The following RBFOX1 variants were observed in gnomAD, a reference collection of about 807,000 sequenced individuals.
RBFOX1 encodes the protein RNA binding protein fox-1 homolog 1.
In RBFOX1, 8 loss-of-function variants were observed where a neutral mutation model predicts 57.7. The observed-to-expected ratio is 0.14, with a 90% CI of 0.08 to 0.25. The LOEUF (loss-of-function observed/expected upper bound fraction) is 0.25, where lower values mean the gene tolerates loss of function less well. Ranked by LOEUF, RBFOX1 falls within the 10% of genes least tolerant of loss-of-function variation. The probability of loss-of-function intolerance (pLI) is 1.00; values close to 1 mark genes in which losing one functional copy is unlikely to be tolerated. For synonymous variants in RBFOX1, 326 were observed against 222.4 expected (o/e 1.47, Z -4.15); for missense variants, 611 against 548.5 (o/e 1.11, Z -1.14).
chr16:5,977,875 A>G (rs1028404829), intron 4 of RBFOX1, among the ~76,000 whole-genome samples: 1 of 152,042 alleles, frequency 6.6e-6, no homozygotes, highest in Admixed American at 6.6e-5. Flanking sequence ...ATTTATGAAC[A>G]TCACAGGCTT....
At chr16:7,169,805 C>G (rs1389832557) in intron 4 of RBFOX1, among the ~76,000 whole-genome samples, 5 of 121,166 alleles carry the variant, frequency 4.1e-5, no homozygotes, top group African/African-American at 1.3e-4. Context: ...TGCAGTGGCT[C>G]ATGCCTGTAA....
At chr16:7,094,408 T>A (rs972651264) in intron 4 of RBFOX1, among the ~76,000 whole-genome samples, 1 of 151,842 alleles carries the variant, frequency 6.6e-6, no homozygotes, top group Non-Finnish European at 1.5e-5. Flanking sequence ...AAAAAAAACA[T>A]GGGAAGGAAA....
intron 3 of RBFOX1, among the ~76,000 whole-genome samples, chr16:5,829,769 C>G (rs1051570012): frequency 2.0e-5 from 3 of 152,064 alleles, no homozygotes; most frequent in Non-Finnish European, 4.4e-5. Context: ...CACCTGTTGC[C>G]CCAAAGGCCT....
Position 7,579,768 on chromosome 16 carries a change from T to C in RBFOX1, c.271-9T>C. ...TGAGAACCTCTTCGGTTTCTTCTTGTTCTTTTAGCAGACAGATGACGCAGC... is the reference window on the plus strand; with the variant it reads ...TGAGAACCTCTTCGGTTTCTTCTTGCTCTTTTAGCAGACAGATGACGCAGC... On this transcript the variant is annotated splice_polypyrimidine_tract_variant and intron_variant, in intron 5 of 15. Coordinates refer to ENST00000550418, the MANE Select transcript of RBFOX1 (RefSeq NM_018723.4). 1 of 1,614,056 alleles carries C rather than the reference T, an allele frequency of 6.2e-7. No homozygotes were observed. Among genetic ancestry groups the C allele is most frequent in the Non-Finnish European group, 8.5e-7 (1 of 1,179,964 alleles).
intron 4 of RBFOX1, among the ~76,000 whole-genome samples, chr16:7,488,146 G>C (rs374896680): frequency 2.6e-5 from 4 of 152,098 alleles, no homozygotes; most frequent in East Asian, 1.9e-4. Context: ...GTGTCCCTGC[G>C]TGATTGTGAT....
At chr16:7,672,056 G>A (rs1001834313) in intron 13 of RBFOX1, among the ~76,000 whole-genome samples, 7 of 152,136 alleles carry the variant, frequency 4.6e-5, no homozygotes, top group African/African-American at 1.2e-4. Flanking sequence ...GTTAAATCAA[G>A]AATCTCATGT....
chr16:6,283,967 C>T (rs2076645544), intron 1 of RBFOX1, among the ~76,000 whole-genome samples: 1 of 152,198 alleles, frequency 6.6e-6, no homozygotes, highest in African/African-American at 2.4e-5. Flanking sequence ...GAGTGCAATG[C>T]AGAAAGTTCC....
intron 3 of RBFOX1, among the ~76,000 whole-genome samples, chr16:6,923,091 G>A (rs987316396): frequency 6.6e-6 from 1 of 152,156 alleles, no homozygotes; most frequent in African/African-American, 2.4e-5. Context: ...AGCCCAGAAG[G>A]CAATGAGAGA....
chr16:7,008,356 G>A (rs914562768), intron 3 of RBFOX1, among the ~76,000 whole-genome samples: 1 of 151,968 alleles, frequency 6.6e-6, no homozygotes, highest in Non-Finnish European at 1.5e-5. Context: ...ATTCTGGCCA[G>A]TATGATGAAA....
At chr16:7,052,548 C>G (rs144374132) in intron 4 of RBFOX1, among the ~76,000 whole-genome samples, 22 of 152,202 alleles carry the variant, frequency 1.4e-4, no homozygotes, top group Admixed American at 3.3e-4. Flanking sequence ...TTTGTGTTAT[C>G]TATAGACCTC....
Position 6,901,200 on chromosome 16 carries a change from G to A in RBFOX1, c.-15-150857G>A, listed in dbSNP as rs13333311. Reference sequence around the variant, plus strand: ...CATAGGTATTCAATAAATATATACAGAAGGAAGATAAGAAGAAAGAGAGGA... The same window carrying A: ...CATAGGTATTCAATAAATATATACAAAAGGAAGATAAGAAGAAAGAGAGGA... On this transcript the variant is annotated intron_variant, in intron 3 of 15. Transcript: ENST00000550418. Among the ~76,000 whole-genome samples the A allele has an allele frequency of 4.9e-3, 741 of 152,254 alleles. 5 individuals carry two copies. The highest frequency in any genetic ancestry group is 0.017 in the African/African-American group (718 of 41,542).
intron 4 of RBFOX1, among the ~76,000 whole-genome samples, chr16:5,870,633 C>G (rs1049565349): frequency 2.0e-5 from 3 of 149,300 alleles, no homozygotes; most frequent in Non-Finnish European, 4.4e-5. Context: ...TTTTTTTTTC[C>G]TTACCATTTT....
chr16:6,793,998 G>A (rs2083456103), intron 3 of RBFOX1, among the ~76,000 whole-genome samples: 4 of 152,030 alleles, frequency 2.6e-5, no homozygotes, highest in African/African-American at 2.4e-5. Flanking sequence ...TAACTCCACC[G>A]GATTGCTTTA....
At chr16:5,728,961 A>C in intron 3 of RBFOX1, among the ~76,000 whole-genome samples, 1 of 152,214 alleles carries the variant, frequency 6.6e-6, no homozygotes, top group East Asian at 1.9e-4. Context: ...TGACAGGTTG[A>C]ACTTTACCTG....
At chr16:7,102,031 A>G (rs532243501) in intron 4 of RBFOX1, among the ~76,000 whole-genome samples, 110 of 152,286 alleles carry the variant, frequency 7.2e-4, no homozygotes, top group African/African-American at 2.6e-3. Flanking sequence ...ATAAGCTACC[A>G]GTGTTTGCAC....
intron 1 of RBFOX1, among the ~76,000 whole-genome samples, chr16:5,437,623 A>G (rs977687072): frequency 6.6e-6 from 1 of 152,244 alleles, no homozygotes; most frequent in African/African-American, 2.4e-5. Flanking sequence ...AAAGAGTGGT[A>G]TTAAGATATT....
intron 3 of RBFOX1, among the ~76,000 whole-genome samples, chr16:5,637,517 T>A (rs1596538873): frequency 6.6e-6 from 1 of 152,334 alleles, no homozygotes; most frequent in South Asian, 2.1e-4. Flanking sequence ...ATGTGCTTAG[T>A]GTGATGCACC....
At chr16:6,644,507 G>C (rs1029296008) in intron 2 of RBFOX1, among the ~76,000 whole-genome samples, 2 of 152,178 alleles carry the variant, frequency 1.3e-5, no homozygotes, top group Non-Finnish European at 2.9e-5. Context: ...CTTTGACTGT[G>C]TCTCCTCACA....
At chr16:5,517,930 C>G (rs1289918101) in intron 2 of RBFOX1, among the ~76,000 whole-genome samples, 1 of 144,100 alleles carries the variant, frequency 6.9e-6, no homozygotes. Flanking sequence ...GCAAAAGCTA[C>G]TGTGTGTGTG....
Sources: allele counts gnomAD v4.1 joint callset (sites outside exome capture counted in the v4.1 genomes callset), GRCh38; gene constraint gnomAD v4.1.1; transcripts MANE v1.5; gene names NCBI Gene and HGNC (gene_info 2026-07-23, HGNC 2026-07-21).